GP6: variants seen among roughly 807,000 people sequenced by gnomAD.
GP6 encodes glycoprotein VI platelet.
In GP6, 45 loss-of-function variants were observed where a neutral mutation model predicts 37.3. The observed-to-expected ratio is 1.21, with a 90% CI of 0.95 to 1.55. The LOEUF (loss-of-function observed/expected upper bound fraction) is 1.55, where lower values mean the gene tolerates loss of function less well. GP6 is among the 40% of genes most tolerant of loss of function. GP6 has a pLI of 0.00. For missense variants in GP6, 813 were observed against 760.2 expected (o/e 1.07, Z -0.82); for synonymous variants, 340 against 316.4 (o/e 1.07, Z -0.79).
At chr19:55,036,665 C>T (rs1441022139) in intron 1 of GP6, among the ~76,000 whole-genome samples, 1 of 152,082 alleles carries the variant, frequency 6.6e-6, no homozygotes, top group Non-Finnish European at 1.5e-5. Flanking sequence ...TGCCACTGCC[C>T]TCCTGCCTGG....
chr19:55,015,052 G>C lies in GP6; in HGVS notation c.893C>G (p.Ala298Gly), dbSNP rs1308214413. ...ACAGCCCTGCCCCTGTGCCGCAGGCGCTTCCTCCGGCTGTGCCAGTCCTCT... is the reference window on the plus strand; with the variant it reads ...ACAGCCCTGCCCCTGTGCCGCAGGCCCTTCCTCCGGCTGTGCCAGTCCTCT... The change falls in exon 8 of 8, where the codon GCG becomes GGG. Residue 298 changes from alanine (A) to glycine (G), a missense_variant. Ala to Gly is a moderately conservative substitution (Grantham distance 60). Coordinates refer to ENST00000310373, the MANE Select transcript of GP6 (RefSeq NM_001083899.2). 1.2e-6 allele frequency: 2 copies of C among 1,606,870 alleles called. No individual in the cohort carries two copies. The highest frequency in any genetic ancestry group is 2.2e-5 in the South Asian group (2 of 89,776).
At chr19:55,036,024 G>GATCA (rs1268307168) in intron 1 of GP6, among the ~76,000 whole-genome samples, 4 of 148,178 alleles carry the variant, frequency 2.7e-5, no homozygotes, top group Non-Finnish European at 5.9e-5. Flanking sequence ...AGTAAGCCGA[G>GATCA]ATCACACCAC....
intron 5 of GP6, among the ~76,000 whole-genome samples, chr19:55,019,817 A>G (rs925221202): frequency 6.6e-6 from 1 of 151,526 alleles, no homozygotes. Flanking sequence ...AGCTGGGACT[A>G]CAGGCACCCG....
At position 55,013,990 on chromosome 19, in the gene GP6, CTTATTT is replaced by C. The variant is rs770364130; in HGVS notation, c.*86_*91del. The C allele has an allele frequency of 2.1e-6, 1 of 466,832 alleles. No homozygotes were observed. Among genetic ancestry groups the C allele is most frequent in the Non-Finnish European group, 4.3e-6 (1 of 233,292 alleles). 28.9% of individuals were successfully genotyped at this position (466,832 alleles called of 1,614,324 possible). ...GAGAGGGGTGGAGACGGTGCATTAT[CTTATTT>C]TTATGATTTTAAAAATGTATACAGA... On this transcript the variant is annotated 3_prime_UTR_variant, in exon 8 of 8. Coordinates refer to ENST00000310373, the MANE Select transcript of GP6 (RefSeq NM_001083899.2).
Position 55,027,752 on chromosome 19 carries a change from A to G in GP6, c.436T>C (p.Tyr146His), listed in dbSNP as rs2074365430. ...TAGGGCGCAGGGTCCCCTTCCTTGT[A>G]CAGAGCAAATTGGTCAAAGCCATAC... Residue 146 changes from tyrosine to histidine, a missense_variant, in exon 4 of 8, where the codon TAC (tyrosine) becomes CAC (histidine). By Grantham distance (83) the Tyr-to-His change is moderately conservative. Transcript: ENST00000310373. 6.2e-7 allele frequency: 1 copy of G among 1,613,914 alleles called. No individual in the cohort carries two copies. Among genetic ancestry groups the G allele is most frequent in the Non-Finnish European group, 8.5e-7 (1 of 1,179,798 alleles).
At chr19:55,035,617 T>C (rs1218076473) in intron 1 of GP6, among the ~76,000 whole-genome samples, 1 of 151,946 alleles carries the variant, frequency 6.6e-6, no homozygotes, top group Non-Finnish European at 1.5e-5. Context: ...CTTGGGAGGC[T>C]GAGGCAGGAG....
chr19:55,019,107 C>CTTTTTTTT (rs538058206), intron 5 of GP6, among the ~76,000 whole-genome samples: 1 of 132,880 alleles, frequency 7.5e-6, no homozygotes, highest in Non-Finnish European at 1.6e-5. Flanking sequence ...TCTTTTTTTT[C>CTTTTTTTT]TTTTTTTTTT....
intron 3 of GP6, among the ~76,000 whole-genome samples, chr19:55,028,486 G>A (rs889648360): frequency 7.2e-5 from 11 of 152,032 alleles, no homozygotes; most frequent in African/African-American, 2.7e-4. Context: ...TTGCTAAGAG[G>A]GTAGATTATA....
rs996102965 is a variant in GP6 at position 55,016,586 on chromosome 19, G to A, written c.725-853C>T. ...AGATGGGATTTCACCATATTGGCCA[G>A]GTTGGTTTTGAACTCCTGACCTTGT... On this transcript the variant is annotated intron_variant, in intron 6 of 7. Coordinates refer to ENST00000310373, the MANE Select transcript of GP6 (RefSeq NM_001083899.2). Among the ~76,000 whole-genome samples, 5 of 151,902 alleles carry A rather than the reference G, an allele frequency of 3.3e-5. No individual in the cohort carries two copies. In the East Asian group the frequency reaches 1.0e-3, roughly 30 times the overall value.
chr19:55,034,869 A>G (rs1444457798), intron 1 of GP6, among the ~76,000 whole-genome samples: 1 of 152,126 alleles, frequency 6.6e-6, no homozygotes, highest in Non-Finnish European at 1.5e-5. Flanking sequence ...CTGAGCTCAG[A>G]GAGTGACAAC....
In GP6 at chr19:55,014,030, T is replaced by G; in HGVS notation, c.*52A>C. 7 of 548,796 alleles carry G rather than the reference T, an allele frequency of 1.3e-5. No individual in the cohort carries two copies. Among genetic ancestry groups the G allele is most frequent in the East Asian group, 8.7e-5 (2 of 22,924 alleles). 34.0% of individuals were successfully genotyped at this position (548,796 alleles called of 1,614,324 possible). On this transcript the variant is annotated 3_prime_UTR_variant, in exon 8 of 8. Transcript: ENST00000310373. ...TTAAAAATGTATACAGAATTGTACA[T>G]ATTTATGGGGTGGACAGCAATATTG...
At chr19:55,031,654 C>G (rs1270256760) in intron 3 of GP6, among the ~76,000 whole-genome samples, 1 of 152,120 alleles carries the variant, frequency 6.6e-6, no homozygotes, top group African/African-American at 2.4e-5. Flanking sequence ...CAGTGGCTCA[C>G]GCCTGAAATC....
chr19:55,032,867 G>GCTCGTTCGTGTTAGACACGGTGGA lies in GP6; in HGVS notation c.35-353_35-330dup, dbSNP rs1283296025. 2.1e-4 allele frequency: 97 copies of GCTCGTTCGTGTTAGACACGGTGGA among 465,418 alleles called. 6 individuals carry two copies. Among genetic ancestry groups the GCTCGTTCGTGTTAGACACGGTGGA allele is most frequent in the South Asian group, 2.0e-3 (86 of 42,814 alleles). The allele number at this position is 465,418 out of a possible 1,614,324, so 28.8% of individuals were successfully genotyped here. ...GACTTGTTCGTGTTAGACACGGTGG[G>GCTCGTTCGTGTTAGACACGGTGGA]CTCGTTCGTGTTAGACACGGTGGAC... On this transcript the variant is annotated intron_variant, in intron 1 of 7. Transcript: ENST00000310373.
intron 5 of GP6, among the ~76,000 whole-genome samples, chr19:55,021,767 G>T (rs2074096316): frequency 1.3e-5 from 2 of 152,080 alleles, no homozygotes; most frequent in African/African-American, 4.8e-5. Context: ...TGATCTGCCT[G>T]CCTCGGCCTC....
At chr19:55,030,331 C>T (rs1315703311) in intron 3 of GP6, among the ~76,000 whole-genome samples, 1 of 149,828 alleles carries the variant, frequency 6.7e-6, no homozygotes, top group East Asian at 2.0e-4. Context: ...GCCTGGGCAA[C>T]ATAGTAAGAC....
chr19:55,031,955 G>A (rs1472627862), intron 3 of GP6, among the ~76,000 whole-genome samples, 184 bp downstream of exon 3: 4 of 152,106 alleles, frequency 2.6e-5, no homozygotes, highest in African/African-American at 4.8e-5. Flanking sequence ...CCTGGGTGAC[G>A]CAGCAAGACC....
At chr19:55,015,655 G>A (rs1233082309) in intron 7 of GP6, 28 bp downstream of exon 7, 7 of 1,406,920 alleles carry the variant, frequency 5.0e-6, no homozygotes, top group Non-Finnish European at 6.1e-6. Context: ...TGAGAAGGAA[G>A]GGGGTCTGGA....
At chr19:55,035,090 G>A (rs749011182) in intron 1 of GP6, among the ~76,000 whole-genome samples, 10 of 152,120 alleles carry the variant, frequency 6.6e-5, no homozygotes, top group African/African-American at 1.7e-4. Context: ...ACTCCAAGTC[G>A]CCATAATCGT....
intron 3 of GP6, among the ~76,000 whole-genome samples, chr19:55,029,374 ATTTTTTTTTTTTTTTTTTTTTTTTT>A (rs1160805363): frequency 2.3e-4 from 1 of 4,436 alleles, no homozygotes; most frequent in Admixed American, 5.0e-3. Flanking sequence ...ATATATATAT[ATTTTTTTTTTTTTTTTTTTTTTTTT>A]TTTTTTTGGG....
Sources: allele counts gnomAD v4.1 joint callset (sites outside exome capture counted in the v4.1 genomes callset), GRCh38; gene constraint gnomAD v4.1.1; transcripts MANE v1.5; gene names NCBI Gene and HGNC (gene_info 2026-07-23, HGNC 2026-07-21).